ARSD: variants seen among roughly 807,000 people sequenced by gnomAD.
The protein encoded by ARSD is testis tissue sperm-binding protein Li 39a.
A neutral mutation model predicts 32.6 loss-of-function variants in ARSD; 21 were observed. The ratio of observed to expected loss-of-function variants is 0.64; its 90% CI spans 0.46 to 0.93. The LOEUF (loss-of-function observed/expected upper bound fraction) is 0.93. ARSD is among the 40% of genes least tolerant of loss of function. The probability of loss-of-function intolerance (pLI) is 0.00; values close to 1 mark genes in which losing one functional copy is unlikely to be tolerated. For synonymous variants in ARSD, 224 were observed against 237.4 expected, an observed-to-expected ratio of 0.94 and a Z score of 0.52; for missense variants, 454 against 520.9, an observed-to-expected ratio of 0.87 and a Z score of 1.25.
At position 2,912,062 on chromosome X, in the gene ARSD, C is replaced by G. The variant is rs1036463917; in HGVS notation, c.1001-1269G>C. Among the ~76,000 whole-genome samples the G allele has an allele frequency of 3.6e-5, 4 of 111,741 alleles. No homozygotes were observed. The Admixed American group carries it at 3.8e-4, about 11-fold the overall frequency. On this transcript the variant is annotated intron_variant, in intron 6 of 9. Coordinates refer to ENST00000381154, the MANE Select transcript of ARSD (RefSeq NM_001669.4). ...GGCCGAAGTGGGAGGATTGCCTGAG[C>G]CTGGGAGGTCAAGGCTGCAATGAGT...
rs751479807 is a variant in ARSD at position 2,918,101 on chromosome X, G to C, written c.566C>G (p.Pro189Arg). ...TLTNDCDPGR[P>R]PEVDAALRAQ... ...CCTCAGGGCGGCGTCCACTTCGGGG[G>C]GCCTGCCTGGGTCACAGTCGTTTGT... Residue 189 changes from proline to arginine, a missense_variant, in exon 5 of 10, where the codon CCC becomes CGC. Pro to Arg is a moderately radical substitution (Grantham distance 103, BLOSUM62 -2). Coordinates refer to ENST00000381154, the MANE Select transcript of ARSD (RefSeq NM_001669.4). 8.3e-7 allele frequency: 1 copy of C among 1,200,583 alleles called. No homozygotes were observed. The highest frequency in any genetic ancestry group is 2.2e-5 in the Admixed American group (1 of 44,622).
rs371305173 is a variant in ARSD at position 2,915,445 on chromosome X, G to A, written c.1000+111C>T. 2,376 of 1,075,734 alleles carry A rather than the reference G, an allele frequency of 2.2e-3. 54 individuals are homozygous for A. In the Admixed American group the frequency reaches 0.051, roughly 23 times the overall value. 88.7% of individuals were successfully genotyped at this position (1,075,734 alleles called of 1,213,427 possible). On this transcript the variant is annotated intron_variant, in intron 6 of 9. Transcript: ENST00000381154. ...GCTGGGATTACAGGCGTGAGCCACCGCCCTTATTCTTTATTGCAAGTTGGT... is the reference window on the plus strand; with the variant it reads ...GCTGGGATTACAGGCGTGAGCCACCACCCTTATTCTTTATTGCAAGTTGGT...
intron 8 of ARSD, among the ~76,000 whole-genome samples, chrX:2,909,080 GCACACACA>G (rs60574020): frequency 9.4e-6 from 1 of 105,897 alleles, no homozygotes; most frequent in Non-Finnish European, 2.0e-5. Flanking sequence ...TAAGCAGAGT[GCACACACA>G]CACACACACA....
chrX:2,918,526 G>A (rs1312915198), intron 4 of ARSD, among the ~76,000 whole-genome samples: 2 of 111,444 alleles, frequency 1.8e-5, no homozygotes, highest in Non-Finnish European at 3.8e-5. Context: ...CGAGGCGGGC[G>A]GATCACGAGG....
intron 6 of ARSD, chrX:2,913,966 C>T (rs2147312426): frequency 1.7e-5 from 5 of 298,983 alleles, no homozygotes; most frequent in South Asian, 2.7e-4. Flanking sequence ...TGCCACAAGA[C>T]GCCTGCTCCC....
At chrX:2,907,842 GTC>G (rs2088865586) in intron 9 of ARSD, 1 of 964,731 alleles carries the variant, frequency 1.0e-6, no homozygotes, top group Non-Finnish European at 1.3e-6. Context: ...GTCCGTTTGT[GTC>G]TCTGCATTGC....
chrX:2,921,129 T>G (rs1188998640), intron 3 of ARSD, among the ~76,000 whole-genome samples: 1 of 110,928 alleles, frequency 9.0e-6, no homozygotes, highest in Non-Finnish European at 1.9e-5. Flanking sequence ...ATGTCCCTCA[T>G]GCCAAAACAG....
chrX:2,928,979 C>T (rs1345270706), intron 1 of ARSD, among the ~76,000 whole-genome samples: 1 of 112,382 alleles, frequency 8.9e-6, no homozygotes, highest in African/African-American at 3.2e-5. Context: ...TCCGCCTTCC[C>T]TTCAGTTCGG....
At chrX:2,915,278 C>T (rs1428972092) in intron 6 of ARSD, among the ~76,000 whole-genome samples, 1 of 111,485 alleles carries the variant, frequency 9.0e-6, no homozygotes, top group Non-Finnish European at 1.9e-5. Context: ...CCTTAACCTC[C>T]CGAGTAGCTG....
Position 2,925,649 on chromosome X carries a change from C to T in ARSD, c.161G>A (p.Gly54Glu), listed in dbSNP as rs748057273. The change falls in exon 2 of 10, where the codon GGG becomes GAG. Residue 54 changes from glycine (G) to glutamate (E), a missense_variant. Transcript: ENST00000381154. ...ATTGTTCCCGTAGCAACCGAGATCC[C>T]CAGTGCCTAGATCATCCGCCATGAT... The part of the protein sequence containing the change: ...LLIMADDLGT[G>E]DLGCYGNNTL... The T allele has an allele frequency of 8.3e-7, 1 of 1,210,847 alleles. No homozygotes were observed. Among genetic ancestry groups the T allele is most frequent in the Non-Finnish European group, 1.1e-6 (1 of 895,149 alleles).
chrX:2,919,627 A>G lies in ARSD; in HGVS notation c.439+974T>C, dbSNP rs111470085. On this transcript the variant is annotated intron_variant, in intron 4 of 9. Coordinates refer to ENST00000381154, the MANE Select transcript of ARSD (RefSeq NM_001669.4). The stretch of plus-strand genomic sequence containing the variant: ...ATGGAGAAGTCACACCATTAAAATA[A>G]TAAGCTGACTGTGCCTAAACTATAT... Among the ~76,000 whole-genome samples the G allele has an allele frequency of 6.8e-3, 760 of 111,719 alleles. 7 individuals carry two copies. The highest frequency in any genetic ancestry group is 0.024 in the African/African-American group (725 of 30,739).
In ARSD at chrX:2,919,007, C is replaced by T. The variant is rs1351191828; in HGVS notation, c.440-780G>A. On this transcript the variant is annotated intron_variant, in intron 4 of 9. Transcript: ENST00000381154. ...TGGCACATGTCTGTGGTCCCAGCTA[C>T]TCAGGAGGCTGAAGCAGGAGAATCG... 3.6e-5 allele frequency among the ~76,000 whole-genome samples: 4 copies of T among 110,433 alleles called. No individual in the cohort carries two copies. In the East Asian group the frequency reaches 1.1e-3, roughly 31 times the overall value.
intron 1 of ARSD, 89 bp downstream of exon 1, chrX:2,929,143 C>T: frequency 1.1e-6 from 1 of 887,965 alleles, no homozygotes. Flanking sequence ...CCCAGGCTCG[C>T]CCGGGGCGCC....
chrX:2,908,630 T>TC lies in ARSD; in HGVS notation c.1420+90dup, dbSNP rs2088875745. The stretch of plus-strand genomic sequence containing the variant: ...TCCACCCATCCATCCATCCATCCAT[T>TC]CATCCATCCATCCATCCATCCATCC... On this transcript the variant is annotated intron_variant, in intron 9 of 9. Transcript: ENST00000381154. The TC allele has an allele frequency of 7.9e-6, 7 of 883,937 alleles. No homozygotes were observed. The South Asian group carries it at 1.8e-4, about 23-fold the overall frequency. The allele number at this position is 883,937 out of a possible 1,213,427, so 72.8% of individuals were successfully genotyped here. A position where few individuals can be genotyped will look rare whatever the true frequency, so the allele number is the denominator to read the frequency against.
At chrX:2,922,239 C>A (rs1370676733) in intron 2 of ARSD, among the ~76,000 whole-genome samples, 1 of 109,371 alleles carries the variant, frequency 9.1e-6, no homozygotes, top group Non-Finnish European at 1.9e-5. Flanking sequence ...CTCTCTCTCA[C>A]ACACACACAC....
intron 2 of ARSD, among the ~76,000 whole-genome samples, chrX:2,922,270 A>G (rs1434757826): frequency 9.1e-6 from 1 of 110,320 alleles, no homozygotes; most frequent in Non-Finnish European, 1.9e-5. Context: ...TATATGAGAC[A>G]ATTTATGACT....
At chrX:2,914,905 C>T in intron 6 of ARSD, 1 of 862,827 alleles carries the variant, frequency 1.2e-6, no homozygotes, top group South Asian at 2.5e-5. Context: ...GACAGGGTCT[C>T]ACTCTGTTGC....
Position 2,918,068 on chromosome X carries a change from A to T in ARSD, c.599T>A (p.Leu200His). 1 of 1,201,298 alleles carries T rather than the reference A, an allele frequency of 8.3e-7. No homozygotes were observed. The highest frequency in any genetic ancestry group is 3.0e-5 in the East Asian group (1 of 33,255). ...PEVDAALRAQ[L>H]WGYTQFLALG... is the part of the protein sequence containing the mutation. ...CGCCAGGAACTGGGTGTAACCCCAG[A>T]GCTGCGCCCTCAGGGCGGCGTCCAC... Residue 200 changes from leucine to histidine, a missense_variant, in exon 5 of 10, where the codon CTC becomes CAC. This residue lies in a region of ARSD where 271 missense variants were observed against 301.0 expected (regional missense o/e 0.90). Coordinates refer to ENST00000381154, the MANE Select transcript of ARSD (RefSeq NM_001669.4).
chrX:2,929,165 T>C, intron 1 of ARSD, 67 bp downstream of exon 1: 1 of 971,087 alleles, frequency 1.0e-6, no homozygotes, highest in Non-Finnish European at 1.3e-6. Context: ...CTCGCCGTGC[T>C]CGCGACCCCC....
Sources: gnomAD v4.1 joint callset for allele counts (sites outside exome capture counted in the v4.1 genomes callset) on GRCh38, gnomAD v4.1.1 for gene constraint, gnomAD v4.1.1 regional missense constraint, MANE v1.5 for transcripts, NCBI Gene and HGNC (gene_info 2026-07-23, HGNC 2026-07-21) for gene names.